The following ADAMTS17 variants were observed in gnomAD, a reference collection of about 807,000 sequenced individuals.
ADAMTS17 encodes A disintegrin and metalloproteinase with thrombospondin motifs 17.
Under a neutral mutation model 141.5 loss-of-function variants are expected in ADAMTS17, and 113 were observed. The ratio of observed to expected loss-of-function variants is 0.80; its 90% CI spans 0.69 to 0.93. The LOEUF (loss-of-function observed/expected upper bound fraction) is 0.93. ADAMTS17 is among the 40% of genes least tolerant of loss of function. The probability of loss-of-function intolerance (pLI) is 0.00; values close to 1 mark genes in which losing one functional copy is unlikely to be tolerated. For synonymous variants in ADAMTS17, 768 were observed against 630.6 expected (o/e 1.22, Z -3.27); for missense variants, 1,659 against 1,517.9 (o/e 1.09, Z -1.54).
rs746067605 is a variant in ADAMTS17 at position 99,997,623 on chromosome 15, T to C, written c.2592-34A>G. On this transcript the variant is annotated intron_variant, in intron 18 of 21. Coordinates refer to ENST00000268070, the MANE Select transcript of ADAMTS17 (RefSeq NM_139057.4). This position sits in a 1 kb window ranked among gnomAD's most constrained non-coding sequence, Gnocchi z 4.7. ...CGGGAGGAAAGAGAGAGAGAACGACTGGGTGAGAGGCCAGCCTCTCCGGAG... is the reference window on the plus strand; with the variant it reads ...CGGGAGGAAAGAGAGAGAGAACGACCGGGTGAGAGGCCAGCCTCTCCGGAG... The C allele has an allele frequency of 3.1e-6, 5 of 1,611,190 alleles. No homozygotes were observed. Among genetic ancestry groups the C allele is most frequent in the Middle Eastern group, 1.9e-4 (1 of 5,238 alleles).
intron 3 of ADAMTS17, among the ~76,000 whole-genome samples, chr15:100,304,085 G>T (rs2045138816): frequency 6.6e-6 from 1 of 152,192 alleles, no homozygotes. Context: ...CTTCAGCTCA[G>T]AATCAACTGC....
chr15:99,998,893 C>T (rs1404624534), intron 18 of ADAMTS17, among the ~76,000 whole-genome samples: 1 of 152,234 alleles, frequency 6.6e-6, no homozygotes, highest in African/African-American at 2.4e-5. Context: ...GACCTGTGCA[C>T]TGCCAGGTCT....
chr15:100,253,548 T>G (rs1596368960), intron 7 of ADAMTS17, among the ~76,000 whole-genome samples: 4 of 64,856 alleles, frequency 6.2e-5, no homozygotes, highest in Non-Finnish European at 9.1e-5. Flanking sequence ...GAAGGGAAGA[T>G]GAGGGAGGGA....
Position 100,124,306 on chromosome 15 carries a change from A to C in ADAMTS17, c.1722-7293T>G, listed in dbSNP as rs189712521. Among the ~76,000 whole-genome samples the C allele has an allele frequency of 1.1e-3, 165 of 152,338 alleles. 5 individuals carry two copies. Among genetic ancestry groups the C allele is most frequent in the Non-Finnish European group, 3.4e-4 (23 of 68,040 alleles). On this transcript the variant is annotated intron_variant, in intron 12 of 21. Coordinates refer to ENST00000268070, the MANE Select transcript of ADAMTS17 (RefSeq NM_139057.4). ...AAACGTGAATAAAATAGAAGCTTAG[A>C]TACAAAACCAAACGGCTTGCATGGC...
rs930652707 is a variant in ADAMTS17 at position 100,123,796 on chromosome 15, C to T, written c.1722-6783G>A. On this transcript the variant is annotated intron_variant, in intron 12 of 21. Coordinates refer to ENST00000268070, the MANE Select transcript of ADAMTS17 (RefSeq NM_139057.4). ...GAAGAAATGTAGCGTGCAAGAGCTC[C>T]TGGACCCAGCAGGAACAGGCGCCCT... 3.9e-5 allele frequency among the ~76,000 whole-genome samples: 6 copies of T among 152,196 alleles called. No individual in the cohort carries two copies. The East Asian group carries it at 1.2e-3, about 29-fold the overall frequency.
At chr15:100,019,479 A>G (rs1240666107) in intron 18 of ADAMTS17, among the ~76,000 whole-genome samples, 3 of 152,200 alleles carry the variant, frequency 2.0e-5, no homozygotes, top group Admixed American at 1.3e-4. Context: ...TATAAGAAAA[A>G]TACTTACAGA....
intron 3 of ADAMTS17, among the ~76,000 whole-genome samples, chr15:100,303,198 AAATATAT>A (rs1422281611): frequency 6.8e-6 from 1 of 147,186 alleles, no homozygotes; most frequent in Non-Finnish European, 1.5e-5. Context: ...TACCTTTATA[AAATATAT>A]AATATATATG....
At chr15:100,058,310 C>CA (rs1304717108) in intron 15 of ADAMTS17, among the ~76,000 whole-genome samples, 1 of 147,952 alleles carries the variant, frequency 6.8e-6, no homozygotes, top group Non-Finnish European at 1.5e-5. Context: ...TCTAACACCC[C>CA]TATCCCGGCT....
chr15:100,108,172 C>CT (rs1555451452), intron 14 of ADAMTS17, among the ~76,000 whole-genome samples: 2,161 of 147,148 alleles, frequency 0.015, 23 homozygotes, highest in Non-Finnish European at 0.024. Flanking sequence ...TTCTCGCATT[C>CT]CTTTTTTTTT....
At chr15:100,131,434 A>ACCATCAAG (rs1410190462) in intron 12 of ADAMTS17, among the ~76,000 whole-genome samples, 8 of 151,848 alleles carry the variant, frequency 5.3e-5, no homozygotes, top group Non-Finnish European at 1.0e-4. Context: ...TGGAATTATC[A>ACCATCAAG]CCATCAAGCC....
intron 15 of ADAMTS17, among the ~76,000 whole-genome samples, chr15:100,068,833 A>G (rs1334083294): frequency 2.0e-5 from 3 of 152,212 alleles, no homozygotes; most frequent in Non-Finnish European, 4.4e-5. Context: ...AAACTCTAAA[A>G]ATCAGAGCAC....
intron 10 of ADAMTS17, among the ~76,000 whole-genome samples, chr15:100,148,425 C>T (rs910492026): frequency 2.6e-5 from 4 of 151,970 alleles, no homozygotes; most frequent in African/African-American, 9.7e-5. Flanking sequence ...ATGTGGGCCT[C>T]TTGGTGATAC....
chr15:100,177,084 C>A (rs2040365088), intron 8 of ADAMTS17, among the ~76,000 whole-genome samples: 1 of 152,130 alleles, frequency 6.6e-6, no homozygotes, highest in African/African-American at 2.4e-5. Flanking sequence ...TATTCATGTG[C>A]AAGTTTTTGC....
intron 18 of ADAMTS17, among the ~76,000 whole-genome samples, chr15:100,009,317 G>A (rs2061109219): frequency 6.6e-6 from 1 of 152,112 alleles, no homozygotes; most frequent in African/African-American, 2.4e-5. Flanking sequence ...CTCAGTTCAG[G>A]GGCTTTCTTT....
intron 15 of ADAMTS17, among the ~76,000 whole-genome samples, chr15:100,085,765 G>T (rs892554728): frequency 1.0e-4 from 15 of 149,880 alleles, no homozygotes; most frequent in Non-Finnish European, 2.1e-4. Flanking sequence ...AAGTGAAGGA[G>T]AAATAAAATA....
At chr15:100,247,195 A>G (rs1434494974) in intron 7 of ADAMTS17, among the ~76,000 whole-genome samples, 2 of 152,094 alleles carry the variant, frequency 1.3e-5, no homozygotes, top group Non-Finnish European at 2.9e-5. Flanking sequence ...CCTGAAGACT[A>G]TACTTCTAAC....
intron 18 of ADAMTS17, among the ~76,000 whole-genome samples, chr15:100,034,366 C>T (rs1443719559): frequency 9.2e-5 from 14 of 152,226 alleles, no homozygotes; most frequent in Admixed American, 7.8e-4. Flanking sequence ...TGGCACAGGC[C>T]GTGCTGTGGG....
intron 3 of ADAMTS17, among the ~76,000 whole-genome samples, chr15:100,300,173 G>A (rs934471561): frequency 6.6e-6 from 1 of 152,068 alleles, no homozygotes; most frequent in Non-Finnish European, 1.5e-5. Flanking sequence ...ACAGTCAGGT[G>A]TCCTTCACTC....
intron 8 of ADAMTS17, among the ~76,000 whole-genome samples, chr15:100,172,973 G>T (rs933390166): frequency 2.0e-5 from 3 of 152,122 alleles, no homozygotes; most frequent in Non-Finnish European, 1.5e-5. Flanking sequence ...CAGTGTAGAA[G>T]AGTGCTTCTC....
Sources: gnomAD v4.1 joint callset for allele counts (sites outside exome capture counted in the v4.1 genomes callset) on GRCh38, gnomAD v4.1.1 for gene constraint, Gnocchi (gnomAD v3.1) non-coding constraint, MANE v1.5 for transcripts, NCBI Gene and HGNC (gene_info 2026-07-23, HGNC 2026-07-21) for gene names.